The following SUGCT variants were observed in gnomAD, a reference collection of about 807,000 sequenced individuals.
SUGCT encodes succinyl-CoA:glutarate-CoA transferase.
SUGCT carries 41 observed loss-of-function variants against 55.0 expected under a neutral mutation model. The observed-to-expected ratio is 0.74, with a 90% CI of 0.58 to 0.97. The LOEUF (loss-of-function observed/expected upper bound fraction) is 0.97, where lower values mean the gene tolerates loss of function less well. Among genes scored for constraint, SUGCT ranks in the 50% least tolerant of loss-of-function variants. The pLI is 0.00. For missense variants in SUGCT, 568 were observed against 547.8 expected (o/e 1.04, Z -0.37); for synonymous variants, 187 against 200.4 (o/e 0.93, Z 0.56).
At chr7:40,498,444 G>A (rs1225922645) in intron 12 of SUGCT, among the ~76,000 whole-genome samples, 1 of 152,138 alleles carries the variant, frequency 6.6e-6, no homozygotes, top group Admixed American at 6.6e-5. Context: ...AAATAATCAA[G>A]TTGCTCCTCT....
chr7:40,880,850 C>G, the SUGCT span, among the ~76,000 whole-genome samples: 1 of 152,142 alleles, frequency 6.6e-6, no homozygotes, highest in Non-Finnish European at 1.5e-5. Context: ...GATTTTCCAT[C>G]TGGCCTAGAA....
the SUGCT span, among the ~76,000 whole-genome samples, chr7:40,988,591 G>A: frequency 6.6e-6 from 1 of 151,916 alleles, no homozygotes; most frequent in African/African-American, 2.4e-5. Context: ...TAATAATACT[G>A]CTATAGAAAA....
the SUGCT span, among the ~76,000 whole-genome samples, chr7:40,982,725 A>G: frequency 1.3e-5 from 2 of 152,008 alleles, no homozygotes; most frequent in African/African-American, 4.8e-5. Flanking sequence ...ATCTCGGCTC[A>G]CTGCAGCCTT....
intron 1 of SUGCT, among the ~76,000 whole-genome samples, chr7:40,156,290 C>T (rs1199405234): frequency 2.0e-5 from 3 of 151,982 alleles, no homozygotes; most frequent in Non-Finnish European, 2.9e-5. Context: ...AGTGAAACCC[C>T]GTCTCTACTA....
chr7:40,180,240 C>A (rs1257665971), intron 1 of SUGCT, among the ~76,000 whole-genome samples: 1 of 151,862 alleles, frequency 6.6e-6, no homozygotes, highest in African/African-American at 2.4e-5. Flanking sequence ...CCTCCTGCCT[C>A]AGCGAGTAGC....
the SUGCT span, among the ~76,000 whole-genome samples, chr7:41,017,422 T>C: frequency 0.039 from 5,875 of 152,302 alleles, 152 homozygotes; most frequent in South Asian, 0.09. Context: ...AGTCCCCTTC[T>C]TCACATCAAG....
intron 12 of SUGCT, among the ~76,000 whole-genome samples, chr7:40,709,920 A>G (rs894937021): frequency 6.6e-6 from 1 of 152,236 alleles, no homozygotes; most frequent in African/African-American, 2.4e-5. Context: ...GCTGCTAGTC[A>G]GGGGTTAGGA....
chr7:40,400,961 G>A (rs4134194), intron 9 of SUGCT, among the ~76,000 whole-genome samples: 105,221 of 152,006 alleles, frequency 0.69, 36,812 homozygotes, highest in East Asian at 0.99. Flanking sequence ...ATAATCATCA[G>A]GAAGGCATCC....
chr7:40,826,340 T>C (rs868694673), intron 13 of SUGCT, among the ~76,000 whole-genome samples: 34 of 152,218 alleles, frequency 2.2e-4, no homozygotes, highest in Middle Eastern at 6.8e-3. Flanking sequence ...GATTTTTTTT[T>C]CCCTGGGAGC....
At chr7:41,020,011 A>T in the SUGCT span, among the ~76,000 whole-genome samples, 1 of 152,046 alleles carries the variant, frequency 6.6e-6, no homozygotes, top group Non-Finnish European at 1.5e-5. Flanking sequence ...TATTTTGCCA[A>T]CTCCCAGCAC....
chr7:40,898,455 C>T, the SUGCT span, among the ~76,000 whole-genome samples: 1,017 of 117,562 alleles, frequency 8.7e-3, 4 homozygotes, highest in Middle Eastern at 0.044. Context: ...GGGCTCACGC[C>T]TGTAATCCCA....
intron 12 of SUGCT, among the ~76,000 whole-genome samples, chr7:40,713,847 G>C (rs1023370287): frequency 1.3e-5 from 2 of 152,156 alleles, no homozygotes; most frequent in Non-Finnish European, 2.9e-5. Flanking sequence ...ATCACATCAT[G>C]CATAAACTTT....
At chr7:40,415,286 A>AAT (rs1786936340) in intron 9 of SUGCT, among the ~76,000 whole-genome samples, 1 of 150,614 alleles carries the variant, frequency 6.6e-6, no homozygotes, top group Non-Finnish European at 1.5e-5. Context: ...AAAAAAAAAA[A>AAT]ATTTGGCCAC....
chr7:40,677,184 G>A lies in SUGCT; in HGVS notation c.1090-72250G>A, dbSNP rs186079962. Among the ~76,000 whole-genome samples the A allele has an allele frequency of 1.6e-3, 239 of 152,204 alleles. 1 individual carries two copies. Among genetic ancestry groups the A allele is most frequent in the African/African-American group, 5.2e-3 (216 of 41,540 alleles). ...AGGTAATCCTGTTTCCAAACAGAAAGAGTTGGAACCTCACAGCCAGATGTC... is the reference window on the plus strand; with the variant it reads ...AGGTAATCCTGTTTCCAAACAGAAAAAGTTGGAACCTCACAGCCAGATGTC... On this transcript the variant is annotated intron_variant, in intron 12 of 13. Coordinates refer to ENST00000335693, the MANE Select transcript of SUGCT (RefSeq NM_001193313.2).
Position 40,304,819 on chromosome 7 carries a change from CA to C in SUGCT, c.721-11940del, listed in dbSNP as rs761498024. ...TCCTTTTTATGGCTGAGTAGTACAC[CA>C]CATAAACAGAATTAAAAACAAAAAC... is the stretch of plus-strand genomic sequence containing the variant. On this transcript the variant is annotated intron_variant, in intron 8 of 13. Coordinates refer to ENST00000335693, the MANE Select transcript of SUGCT (RefSeq NM_001193313.2). Among the ~76,000 whole-genome samples, 3 of 151,322 alleles carry C rather than the reference CA, an allele frequency of 2.0e-5. No homozygotes were observed. The South Asian group carries it at 6.3e-4, about 32-fold the overall frequency.
At chr7:40,419,611 G>A (rs994416514) in intron 9 of SUGCT, among the ~76,000 whole-genome samples, 1 of 152,056 alleles carries the variant, frequency 6.6e-6, no homozygotes, top group Non-Finnish European at 1.5e-5. Context: ...TGATGAATCC[G>A]TTCAAGAGCG....
downstream of SUGCT, among the ~76,000 whole-genome samples, chr7:40,861,544 A>C (rs1794485612): frequency 6.6e-6 from 1 of 152,244 alleles, no homozygotes; most frequent in Admixed American, 6.5e-5. Flanking sequence ...AGGCACATCT[A>C]TTTTAATGTC....
intron 13 of SUGCT, among the ~76,000 whole-genome samples, chr7:40,765,664 C>G (rs1386062197): frequency 6.6e-6 from 1 of 152,058 alleles, no homozygotes; most frequent in Non-Finnish European, 1.5e-5. Flanking sequence ...TTTAAGTTTC[C>G]TTTGTCCTTA....
At chr7:40,593,361 A>G (rs530709230) in intron 12 of SUGCT, among the ~76,000 whole-genome samples, 5 of 152,272 alleles carry the variant, frequency 3.3e-5, no homozygotes, top group Admixed American at 1.3e-4. Context: ...AAACCGTATT[A>G]TCCTTGGTTG....
Sources: allele counts gnomAD v4.1 joint callset (sites outside exome capture counted in the v4.1 genomes callset), GRCh38; gene constraint gnomAD v4.1.1; transcripts MANE v1.5; gene names NCBI Gene and HGNC (gene_info 2026-07-23, HGNC 2026-07-21).